PTPRD: variants seen among roughly 807,000 people sequenced by gnomAD.
PTPRD encodes the protein protein tyrosine phosphatase receptor type D.
A neutral mutation model predicts 214.5 loss-of-function variants in PTPRD; 34 were observed. The observed-to-expected ratio is 0.16, with a 90% confidence interval of 0.12 to 0.21. The LOEUF is 0.21. PTPRD is among the 10% of genes least tolerant of loss of function. The pLI, the probability that PTPRD is intolerant of heterozygous loss-of-function variation, is 1.00. For synonymous variants in PTPRD, 1,128 were observed against 845.7 expected, an observed-to-expected ratio of 1.33 and a Z score of -5.79; for missense variants, 2,545 against 2,398.7, an observed-to-expected ratio of 1.06 and a Z score of -1.27.
chr9:10,470,349 C>G (rs909102670), intron 2 of PTPRD, among the ~76,000 whole-genome samples: 3 of 151,982 alleles, frequency 2.0e-5, no homozygotes, highest in Admixed American at 6.6e-5. Flanking sequence ...TGTGAAGTAT[C>G]AAAATCCATT....
intron 11 of PTPRD, among the ~76,000 whole-genome samples, chr9:8,802,690 A>C (rs2096595815): frequency 6.6e-6 from 1 of 152,172 alleles, no homozygotes; most frequent in African/African-American, 2.4e-5. Flanking sequence ...CTGACAACCC[A>C]CAACTAACAT....
chr9:9,148,892 G>C lies in PTPRD; in HGVS notation c.-143+34412C>G, dbSNP rs575819183. Among the ~76,000 whole-genome samples, 4 of 152,242 alleles carry C rather than the reference G, an allele frequency of 2.6e-5. No homozygotes were observed. In the South Asian group the frequency reaches 8.3e-4, roughly 32 times the overall value. On this transcript the variant is annotated intron_variant, in intron 10 of 45. Coordinates refer to ENST00000381196, the MANE Select transcript of PTPRD (RefSeq NM_002839.4). ...GAAAATGATATGGTTACAAAAGCTA[G>C]AACAAAATGGTGCAGTTACAAATAA...
At chr9:9,829,743 G>A (rs891266936) in intron 5 of PTPRD, among the ~76,000 whole-genome samples, 2 of 151,662 alleles carry the variant, frequency 1.3e-5, no homozygotes, top group African/African-American at 4.8e-5. Flanking sequence ...AGCTCAGAAA[G>A]GAAATCTGGC....
intron 11 of PTPRD, among the ~76,000 whole-genome samples, chr9:8,975,466 G>T (rs1319549930): frequency 6.6e-6 from 1 of 151,950 alleles, no homozygotes; most frequent in Non-Finnish European, 1.5e-5. Context: ...ACAAAAGGAA[G>T]ATCTACCTTG....
chr9:8,373,844 GTA>G (rs3042128), intron 39 of PTPRD, among the ~76,000 whole-genome samples: 18,633 of 125,574 alleles, frequency 0.15, 3,647 homozygotes, highest in African/African-American at 0.48. Context: ...ATGTATGTAT[GTA>G]TGTGTATGTG....
At chr9:10,328,311 G>A (rs190118141) in intron 3 of PTPRD, among the ~76,000 whole-genome samples, 1 of 151,656 alleles carries the variant, frequency 6.6e-6, no homozygotes, top group African/African-American at 2.4e-5. Flanking sequence ...TCATGATCAT[G>A]TGTATTGAAT....
At chr9:9,883,425 G>A (rs76998637) in intron 5 of PTPRD, among the ~76,000 whole-genome samples, 12 of 152,056 alleles carry the variant, frequency 7.9e-5, no homozygotes, top group Admixed American at 2.6e-4. Flanking sequence ...AGAGAATAAG[G>A]TGTGAAGAGG....
At chr9:10,160,606 C>A (rs1466373899) in intron 3 of PTPRD, among the ~76,000 whole-genome samples, 1 of 151,808 alleles carries the variant, frequency 6.6e-6, no homozygotes, top group Non-Finnish European at 1.5e-5. Context: ...GTAAGCCAAG[C>A]CCACAGCTAA....
At chr9:8,360,288 C>T (rs1456792155) in intron 39 of PTPRD, among the ~76,000 whole-genome samples, 1 of 152,114 alleles carries the variant, frequency 6.6e-6, no homozygotes, top group African/African-American at 2.4e-5. Flanking sequence ...TCTAAAGTTG[C>T]TTAACTTTAG....
intron 2 of PTPRD, among the ~76,000 whole-genome samples, chr9:10,476,059 T>C (rs921306796): frequency 1.3e-5 from 2 of 152,118 alleles, no homozygotes; most frequent in African/African-American, 4.8e-5. Flanking sequence ...AGGATTCCCT[T>C]TGAAAACTGG....
chr9:8,961,711 T>C (rs1171539565), intron 11 of PTPRD, among the ~76,000 whole-genome samples: 1 of 152,116 alleles, frequency 6.6e-6, no homozygotes, highest in Non-Finnish European at 1.5e-5. Context: ...AGCAGAAATA[T>C]TCAGACAAAG....
intron 3 of PTPRD, among the ~76,000 whole-genome samples, chr9:10,233,686 G>A (rs144934959): frequency 6.6e-6 from 1 of 152,030 alleles, no homozygotes; most frequent in East Asian, 1.9e-4. Context: ...TGTCAAAAAT[G>A]TGAAGGAACA....
intron 2 of PTPRD, among the ~76,000 whole-genome samples, chr9:10,443,895 C>A (rs1030939152): frequency 6.7e-6 from 1 of 149,498 alleles, no homozygotes; most frequent in African/African-American, 2.5e-5. Context: ...ATGAGAAATC[C>A]TAGAATTCAT....
At chr9:10,307,861 G>T (rs2096135033) in intron 3 of PTPRD, among the ~76,000 whole-genome samples, 2 of 151,770 alleles carry the variant, frequency 1.3e-5, no homozygotes, top group South Asian at 4.1e-4. Context: ...CCATTTGTAT[G>T]TCTTATTTTG....
At chr9:9,023,657 G>A (rs566347843) in intron 10 of PTPRD, among the ~76,000 whole-genome samples, 10 of 151,682 alleles carry the variant, frequency 6.6e-5, no homozygotes, top group South Asian at 2.1e-4. Context: ...CACATCCCCC[G>A]CTCTCCCTCC....
At chr9:8,508,015 T>G (rs1998513) in intron 21 of PTPRD, among the ~76,000 whole-genome samples, 29,805 of 152,012 alleles carry the variant, frequency 0.2, 3,174 homozygotes, top group East Asian at 0.27. Flanking sequence ...AAAACAAAAC[T>G]CTATCACTTA....
At chr9:10,447,996 G>A (rs537287861) in intron 2 of PTPRD, among the ~76,000 whole-genome samples, 3 of 147,770 alleles carry the variant, frequency 2.0e-5, no homozygotes, top group Non-Finnish European at 4.4e-5. Flanking sequence ...CACTGTGTGT[G>A]AGTGTGTGTG....
In PTPRD at chr9:9,637,828, C is replaced by T. The variant is rs1292385036; in HGVS notation, c.-286-63047G>A. On this transcript the variant is annotated intron_variant, in intron 7 of 45. Coordinates refer to ENST00000381196, the MANE Select transcript of PTPRD (RefSeq NM_002839.4). ...GGGGCACTGTGTGGCAGTTCCACCCCTGCAGTAGGTCTCGACCTGGCACTG... is the reference window on the plus strand; with the variant it reads ...GGGGCACTGTGTGGCAGTTCCACCCTTGCAGTAGGTCTCGACCTGGCACTG... Among the ~76,000 whole-genome samples the T allele has an allele frequency of 2.0e-5, 3 of 152,324 alleles. No individual in the cohort carries two copies. The South Asian group carries it at 6.2e-4, about 32-fold the overall frequency.
At chr9:9,191,298 G>A (rs2099935004) in intron 9 of PTPRD, among the ~76,000 whole-genome samples, 1 of 152,050 alleles carries the variant, frequency 6.6e-6, no homozygotes, top group South Asian at 2.1e-4. Context: ...GAATGAGATA[G>A]GAAGGGGTCT....
Sources: allele counts gnomAD v4.1 joint callset (sites outside exome capture counted in the v4.1 genomes callset), GRCh38; gene constraint gnomAD v4.1.1; transcripts MANE v1.5; gene names NCBI Gene and HGNC (gene_info 2026-07-23, HGNC 2026-07-21).